The following TARBP1 variants were observed in gnomAD, a reference collection of about 807,000 sequenced individuals.
TARBP1 encodes tRNA guanosine 2 -O-methyltransferase TARBP1.
TARBP1 carries 144 observed loss-of-function variants against 178.6 expected under a neutral mutation model. The observed-to-expected ratio is 0.81, with a 90% CI of 0.70 to 0.93. The LOEUF (loss-of-function observed/expected upper bound fraction) is 0.93. Among genes scored for constraint, TARBP1 ranks in the 40% least tolerant of loss-of-function variants. The pLI, the probability that TARBP1 is intolerant of heterozygous loss-of-function variation, is 0.00. For missense variants in TARBP1, 2,067 were observed against 2,011.7 expected, an observed-to-expected ratio of 1.03 and a Z score of -0.53; for synonymous variants, 787 against 781.0, an observed-to-expected ratio of 1.01 and a Z score of -0.13.
rs76825682 is a variant in TARBP1, at chr1:234,461,198, T to A, written c.1400-802A>T. ...GGTGAATTCTATCTCAATAAAGCTG[T>A]TGTAAAAAAAAGTTAATTTAATTCC... On this transcript the variant is annotated intron_variant, in intron 6 of 29. Transcript: ENST00000040877. Among the ~76,000 whole-genome samples the A allele has an allele frequency of 1.1e-3, 161 of 152,336 alleles. 2 individuals carry two copies. The East Asian group carries it at 0.018, about 17-fold the overall frequency.
chr1:234,463,839 T>C lies in TARBP1; in HGVS notation c.1397A>G (p.Lys466Arg). 2.6e-6 allele frequency: 4 copies of C among 1,556,738 alleles called. No individual in the cohort carries two copies. Among genetic ancestry groups the C allele is most frequent in the Non-Finnish European group, 3.5e-6 (4 of 1,150,484 alleles). The change falls in exon 6 of 30, where the codon AAG becomes AGG. Residue 466 changes from lysine to arginine, a missense_variant and splice_region_variant. Transcript: ENST00000040877. The part of the protein sequence containing the change: ...TYISLLPEEI[K>R]SSFLLKFIRK... ...AAAAACCCTTTACTGACACATACTC[T>C]TTATTTCTTCTGGAAGAAGAGAAAT... is the stretch of plus-strand genomic sequence containing the variant.
At chr1:234,447,006 C>A in intron 11 of TARBP1, 31 bp from the exon 12 acceptor site, 4 of 1,608,578 alleles carry the variant, frequency 2.5e-6, no homozygotes, top group Non-Finnish European at 2.5e-6. Context: ...CAAAATCAAC[C>A]ATTTCAAAAG....
In TARBP1 at chr1:234,427,739, CAG is replaced by C; in HGVS notation, c.3086_3087del (p.Ser1029CysfsTer34). ...KEIMYKIIEM[S>X]AIKTGVFNTL... ...GTATTGAAGACTCCAGTCTTTATAG[CAG>C]ACATTTCAATTATCTTGTACATAAT... On this transcript the variant is annotated frameshift_variant, in exon 18 of 30. Coordinates refer to ENST00000040877, the MANE Select transcript of TARBP1 (RefSeq NM_005646.4). LOFTEE classifies it high-confidence loss of function. 6.9e-7 allele frequency: 1 copy of C among 1,453,538 alleles called. No individual in the cohort carries two copies. The allele number at this position is 1,453,538 out of a possible 1,614,324, so 90.0% of individuals were successfully genotyped here. A position where few individuals can be genotyped will look rare whatever the true frequency, so the allele number is the denominator to read the frequency against.
chr1:234,447,141 C>T (rs567587932), intron 11 of TARBP1, among the ~76,000 whole-genome samples, 166 bp from the exon 12 acceptor site: 8 of 152,106 alleles, frequency 5.3e-5, no homozygotes, highest in East Asian at 3.9e-4. Context: ...TCTTCTGGTC[C>T]GTGCTTTCCC....
chr1:234,433,702 C>G (rs1664713497), intron 13 of TARBP1, 131 bp from the exon 14 acceptor site: 1 of 860,632 alleles, frequency 1.2e-6, no homozygotes, highest in Non-Finnish European at 1.8e-6. Flanking sequence ...AAGTTCTTTT[C>G]TCCAAGCAGC....
chr1:234,464,728 T>G (rs1572394946), intron 5 of TARBP1, among the ~76,000 whole-genome samples: 1 of 151,654 alleles, frequency 6.6e-6, no homozygotes, highest in African/African-American at 2.4e-5. Context: ...TGGGGGGAGG[T>G]AGTTCTGTTT....
rs1669202120 is a variant in TARBP1 at position 234,472,823 on chromosome 1, TA to T, written c.932-13del. On this transcript the variant is annotated splice_polypyrimidine_tract_variant and intron_variant, in intron 1 of 29. Coordinates refer to ENST00000040877, the MANE Select transcript of TARBP1 (RefSeq NM_005646.4). ...AAACAGACTTGGGCCTGATATGGTT[TA>T]AAAAAGAAAATTAGTTCTTCCTTTT... The T allele has an allele frequency of 3.8e-6, 6 of 1,574,276 alleles. No individual in the cohort carries two copies. The highest frequency in any genetic ancestry group is 2.3e-5 in the East Asian group (1 of 44,202).
At chr1:234,429,909 T>G (rs1456350163) in intron 15 of TARBP1, among the ~76,000 whole-genome samples, 178 bp downstream of exon 15, 1 of 152,170 alleles carries the variant, frequency 6.6e-6, no homozygotes, top group Non-Finnish European at 1.5e-5. Context: ...CAGTGAAAAC[T>G]AGATGCAGAA....
Position 234,478,269 on chromosome 1 carries a change from G to C in TARBP1, c.835C>G (p.Leu279Val). 6.3e-7 allele frequency: 1 copy of C among 1,598,176 alleles called. No individual in the cohort carries two copies. Residue 279 changes from leucine (L) to valine (V), a missense_variant, in exon 1 of 30, where the codon CTG (leucine) becomes GTG (valine). Physicochemically the swap from Leu to Val is conservative, Grantham distance 32. Transcript: ENST00000040877. ...AGGTAGCGCGCTCGCTTGCGCGTCA[G>C]GGCGTCCGCCTGGCCCAGCCCCGCC... ...VQAGLGQADA[L>V]TRKRARYLLQ...
At chr1:234,429,755 T>G in intron 15 of TARBP1, 78 bp from the exon 16 acceptor site, 3 of 874,414 alleles carry the variant, frequency 3.4e-6, no homozygotes, top group Non-Finnish European at 4.6e-6. Flanking sequence ...ACACTATCCT[T>G]TCTAAAGGTG....
chr1:234,437,133 A>T, intron 13 of TARBP1, 142 bp downstream of exon 13: 5 of 433,574 alleles, frequency 1.2e-5, no homozygotes, highest in Non-Finnish European at 2.1e-5. Flanking sequence ...CCAAAGTCTA[A>T]GGTTTTTTTT....
Position 234,429,324 on chromosome 1 carries a change from G to T in TARBP1, c.2872C>A (p.Leu958Ile). ...CAGAGTGATTCAGAGGAAGTCAGAA[G>T]CTGGTAGGAAAAAAAAAAATACATA... ...FHCLKVLVPK[L>I]LTSSESLCIE... is the part of the protein sequence containing the mutation. Residue 958 changes from leucine to isoleucine, a missense_variant and splice_region_variant, in exon 17 of 30, where the codon CTT (leucine) becomes ATT (isoleucine). Physicochemically the swap from Leu to Ile is conservative, Grantham distance 5 (BLOSUM62 2). Transcript: ENST00000040877. 1 of 1,568,374 alleles carries T rather than the reference G, an allele frequency of 6.4e-7. No homozygotes were observed. The highest frequency in any genetic ancestry group is 8.6e-7 in the Non-Finnish European group (1 of 1,165,534).
chr1:234,434,247 A>G (rs903882287), intron 13 of TARBP1, among the ~76,000 whole-genome samples: 8 of 152,204 alleles, frequency 5.3e-5, no homozygotes, highest in African/African-American at 1.4e-4. Context: ...TAGAGATAGT[A>G]ATATTTATCC....
At chr1:234,448,113 A>G (rs1666373318) in intron 11 of TARBP1, among the ~76,000 whole-genome samples, 1 of 152,082 alleles carries the variant, frequency 6.6e-6, no homozygotes, top group Admixed American at 6.6e-5. Context: ...TGATTTTTGT[A>G]TTTTTAGTAG....
rs1553308871 is a variant in TARBP1 at position 234,478,692 on chromosome 1, C to A, written c.412G>T (p.Glu138Ter). Reference protein sequence around the residue: ...LLAGWRAPGAEAAVEVLAAVG... With the variant: ...LLAGWRAPGA The stretch of plus-strand genomic sequence containing the variant: ...GCTGCTAGCACTTCCACGGCAGCCT[C>A]GGCGCCAGGCGCGCGCCACCCGGCG... The change falls in exon 1 of 30, where the codon GAG becomes TAG. Residue 138 changes from glutamate (E) to a stop codon, truncating the protein, a stop_gained. Transcript: ENST00000040877. LOFTEE classifies it high-confidence loss of function. 1 of 1,213,842 alleles carries A rather than the reference C, an allele frequency of 8.2e-7. No homozygotes were observed. The highest frequency in any genetic ancestry group is 3.7e-5 in the East Asian group (1 of 27,114). 75.2% of individuals were successfully genotyped at this position (1,213,842 alleles called of 1,614,324 possible).
intron 15 of TARBP1, 103 bp from the exon 16 acceptor site, chr1:234,429,780 G>A: frequency 8.6e-7 from 1 of 1,159,356 alleles, no homozygotes; most frequent in South Asian, 1.6e-5. Context: ...GGGGGGGGCA[G>A]TGTACAGATA....
At chr1:234,434,843 A>C (rs1664840774) in intron 13 of TARBP1, among the ~76,000 whole-genome samples, 1 of 152,158 alleles carries the variant, frequency 6.6e-6, no homozygotes, top group Non-Finnish European at 1.5e-5. Flanking sequence ...TTCAAAGAAG[A>C]AATGGAAATA....
At chr1:234,419,583 C>T (rs1662857777) in intron 21 of TARBP1, among the ~76,000 whole-genome samples, 1 of 152,254 alleles carries the variant, frequency 6.6e-6, no homozygotes, top group East Asian at 1.9e-4. Flanking sequence ...TGTGCCCGCT[C>T]GGACATTTCC....
At chr1:234,473,741 T>C (rs996496935) in intron 1 of TARBP1, among the ~76,000 whole-genome samples, 1 of 152,230 alleles carries the variant, frequency 6.6e-6, no homozygotes, top group African/African-American at 2.4e-5. Flanking sequence ...CCAATTTTGA[T>C]TTCTTATCCT....
Sources: gnomAD v4.1 joint callset for allele counts (sites outside exome capture counted in the v4.1 genomes callset) on GRCh38, gnomAD v4.1.1 for gene constraint, MANE v1.5 for transcripts, NCBI Gene and HGNC (gene_info 2026-07-23, HGNC 2026-07-21) for gene names.